Variants in ARHGAP6 observed in about 807,000 individuals in gnomAD.
ARHGAP6 encodes the protein Rho GTPase activating protein 6.
A neutral mutation model predicts 55.7 loss-of-function variants in ARHGAP6; 16 were observed. That is an observed-to-expected ratio of 0.29 (90% CI 0.19 to 0.44). The LOEUF is 0.44. Ranked by LOEUF, ARHGAP6 falls within the 20% of genes least tolerant of loss-of-function variation. The probability of loss-of-function intolerance (pLI) is 1.00; values close to 1 mark genes in which losing one functional copy is unlikely to be tolerated. For missense variants in ARHGAP6, 698 were observed against 808.9 expected, an observed-to-expected ratio of 0.86 and a Z score of 1.66; for synonymous variants, 382 against 360.9, an observed-to-expected ratio of 1.06 and a Z score of -0.66.
chrX:11,534,456 G>A (rs2051082711), intron 1 of ARHGAP6, among the ~76,000 whole-genome samples: 1 of 110,969 alleles, frequency 9.0e-6, no homozygotes, highest in Non-Finnish European at 1.9e-5. Flanking sequence ...AGGCTTTCCT[G>A]TGCATCATAG....
intron 1 of ARHGAP6, among the ~76,000 whole-genome samples, chrX:11,598,316 A>G (rs960639799): frequency 2.3e-4 from 26 of 112,179 alleles, no homozygotes; most frequent in Non-Finnish European, 4.1e-4. Context: ...AAAAACCTAC[A>G]AAGAATACCA....
At chrX:11,457,330 C>G (rs1202783925) in intron 1 of ARHGAP6, among the ~76,000 whole-genome samples, 2 of 111,464 alleles carry the variant, frequency 1.8e-5, no homozygotes, top group Non-Finnish European at 3.8e-5. Context: ...GACACCTGCT[C>G]ACATAATGGA....
At chrX:11,310,223 A>AC (rs2048284941) in intron 1 of ARHGAP6, among the ~76,000 whole-genome samples, 1 of 108,290 alleles carries the variant, frequency 9.2e-6, no homozygotes, top group Admixed American at 9.9e-5. Flanking sequence ...AAAAAAAAAA[A>AC]AACTGTTGGT....
intron 1 of ARHGAP6, among the ~76,000 whole-genome samples, chrX:11,623,052 G>A (rs2147166359): frequency 8.9e-6 from 1 of 111,760 alleles, no homozygotes; most frequent in South Asian, 3.8e-4. Context: ...AGTGCTGGAT[G>A]TCATAGCCAG....
At chrX:11,599,437 A>G (rs1051407201) in intron 1 of ARHGAP6, among the ~76,000 whole-genome samples, 1 of 108,133 alleles carries the variant, frequency 9.2e-6, no homozygotes, top group Admixed American at 1.1e-4. Flanking sequence ...CACTTTAAAC[A>G]CTTATAATTT....
In ARHGAP6 at chrX:11,567,566, A is replaced by AAAAAAAAAAAAAAAATATATATAT. The variant is rs1440758737; in HGVS notation, c.588+96674_588+96675insATATATATATTTTTTTTTTTTTTT. Among the ~76,000 whole-genome samples the AAAAAAAAAAAAAAAATATATATAT allele has an allele frequency of 1.0e-3, 87 of 84,273 alleles. 4 individuals carry two copies. Among genetic ancestry groups the AAAAAAAAAAAAAAAATATATATAT allele is most frequent in the Non-Finnish European group, 1.5e-3 (62 of 42,648 alleles). The allele number at this position is 84,273 out of a possible 115,157, so 73.2% of individuals were successfully genotyped here. A position where few individuals can be genotyped will look rare whatever the true frequency, so the allele number is the denominator to read the frequency against. On this transcript the variant is annotated intron_variant, in intron 1 of 12. Transcript: ENST00000337414. ...GAGACTCCATCTCAAAAAAAAAAAA[A>AAAAAAAAAAAAAAAATATATATAT]ATATATATATATATTTGCCTCAGAG...
At chrX:11,211,159 G>A (rs987797341) in intron 2 of ARHGAP6, among the ~76,000 whole-genome samples, 9 of 110,507 alleles carry the variant, frequency 8.1e-5, no homozygotes, top group Non-Finnish European at 1.5e-4. Context: ...AAAAAATCTC[G>A]ATGAATTAAG....
chrX:11,411,183 T>TTATATATA (rs201875323), intron 1 of ARHGAP6, among the ~76,000 whole-genome samples: 1,196 of 31,628 alleles, frequency 0.038, 56 homozygotes, highest in Non-Finnish European at 0.046. Context: ...CAGACATTAT[T>TTATATATA]TATATATATA....
intron 2 of ARHGAP6, among the ~76,000 whole-genome samples, chrX:11,245,334 ATGAGGAAAGAGCTG>A (rs747889894): frequency 9.0e-6 from 1 of 111,700 alleles, no homozygotes; most frequent in East Asian, 2.8e-4. Flanking sequence ...CCTTGGTATT[ATGAGGAAAGAGCTG>A]TGAGGCCTTG....
intron 1 of ARHGAP6, among the ~76,000 whole-genome samples, chrX:11,388,929 A>G (rs191848060): frequency 1.5e-4 from 17 of 112,327 alleles, no homozygotes; most frequent in African/African-American, 5.5e-4. Context: ...GCCACAAAAT[A>G]AAAGCTAGCA....
intron 1 of ARHGAP6, chrX:11,351,566 T>C: frequency 2.7e-6 from 2 of 754,036 alleles, no homozygotes; most frequent in African/African-American, 2.3e-5. Flanking sequence ...ATGGGCCTTG[T>C]ACCGCCTCAG....
chrX:11,496,681 A>G, intron 1 of ARHGAP6, among the ~76,000 whole-genome samples: 1 of 112,398 alleles, frequency 8.9e-6, no homozygotes, highest in Non-Finnish European at 1.9e-5. Context: ...AGTTGGACCC[A>G]AGTCTTCATT....
At chrX:11,388,607 T>C (rs1377324167) in intron 1 of ARHGAP6, among the ~76,000 whole-genome samples, 1 of 111,675 alleles carries the variant, frequency 9.0e-6, no homozygotes, top group Non-Finnish European at 1.9e-5. Context: ...GCTTTTGGTG[T>C]TTTAGACATG....
chrX:11,572,863 T>G (rs1383325085), intron 1 of ARHGAP6, among the ~76,000 whole-genome samples: 1 of 111,783 alleles, frequency 8.9e-6, no homozygotes, highest in African/African-American at 3.3e-5. Context: ...GTTTCCTGAC[T>G]TTTTAATGAT....
intron 1 of ARHGAP6, among the ~76,000 whole-genome samples, chrX:11,640,867 G>A (rs1227812656): frequency 9.0e-6 from 1 of 111,445 alleles, no homozygotes; most frequent in Non-Finnish European, 1.9e-5. Context: ...GGAATTGGCA[G>A]GCATCCTTAT....
intron 1 of ARHGAP6, among the ~76,000 whole-genome samples, chrX:11,361,642 A>G (rs2049013075): frequency 9.0e-6 from 1 of 110,550 alleles, no homozygotes; most frequent in South Asian, 3.9e-4. Flanking sequence ...ACAAAAGCCA[A>G]AATTGACAAA....
At chrX:11,561,308 C>T (rs1443734854) in intron 1 of ARHGAP6, among the ~76,000 whole-genome samples, 1 of 112,176 alleles carries the variant, frequency 8.9e-6, no homozygotes, top group African/African-American at 3.2e-5. Flanking sequence ...AGCATATGTA[C>T]ACCCAGAGAT....
intron 1 of ARHGAP6, among the ~76,000 whole-genome samples, chrX:11,528,981 C>T (rs2051019723): frequency 8.9e-6 from 1 of 111,923 alleles, no homozygotes; most frequent in Non-Finnish European, 1.9e-5. Flanking sequence ...GGTTGTCATT[C>T]TAGACTTTCT....
At chrX:11,466,910 G>A (rs1246199718) in intron 1 of ARHGAP6, among the ~76,000 whole-genome samples, 1 of 112,296 alleles carries the variant, frequency 8.9e-6, no homozygotes, top group African/African-American at 3.2e-5. Context: ...GTTGGATAAT[G>A]TATTTTAAAG....
Sources: gnomAD v4.1 joint callset for allele counts (sites outside exome capture counted in the v4.1 genomes callset) on GRCh38, gnomAD v4.1.1 for gene constraint, MANE v1.5 for transcripts, NCBI Gene and HGNC (gene_info 2026-07-23, HGNC 2026-07-21) for gene names.